Variants in PPME1 observed in about 807,000 individuals in gnomAD.
PPME1 encodes the protein testicular secretory protein Li 39.
A neutral mutation model predicts 56.9 loss-of-function variants in PPME1; 17 were observed. The observed-to-expected ratio is 0.30, with a 90% confidence interval of 0.20 to 0.45. The LOEUF (loss-of-function observed/expected upper bound fraction) is 0.45, where lower values mean the gene tolerates loss of function less well. Ranked by LOEUF, PPME1 falls within the 20% of genes least tolerant of loss-of-function variation. The probability of loss-of-function intolerance (pLI) is 1.00; values close to 1 mark genes in which losing one functional copy is unlikely to be tolerated. For synonymous variants in PPME1, 122 were observed against 156.2 expected (o/e 0.78, Z 1.63); for missense variants, 357 against 483.2 (o/e 0.74, Z 2.45).
At chr11:74,196,331 T>C (rs1857980710) in intron 1 of PPME1, among the ~76,000 whole-genome samples, 1 of 152,206 alleles carries the variant, frequency 6.6e-6, no homozygotes, top group Non-Finnish European at 1.5e-5. Context: ...TTGCCTAACC[T>C]AAGATCACAG....
At chr11:74,174,187 G>A (rs1003338095) in intron 1 of PPME1, among the ~76,000 whole-genome samples, 15 of 152,118 alleles carry the variant, frequency 9.9e-5, no homozygotes, top group African/African-American at 3.6e-4. Context: ...TTCTATAAGG[G>A]AATGTATTAA....
chr11:74,198,647 CTTG>C (rs952645531), intron 1 of PPME1: 1 of 151,872 alleles, frequency 6.6e-6, no homozygotes, highest in African/African-American at 2.4e-5. Context: ...GAGACGAGGT[CTTG>C]TTGTGTTGCC....
At chr11:74,187,471 T>G (rs1857716369) in intron 1 of PPME1, among the ~76,000 whole-genome samples, 1 of 152,246 alleles carries the variant, frequency 6.6e-6, no homozygotes, top group Admixed American at 6.5e-5. Context: ...CTATATTTAT[T>G]CCTGCATATT....
intron 11 of PPME1, 23 bp from the exon 12 acceptor site, chr11:74,250,931 G>A (rs1439183974): frequency 3.2e-6 from 5 of 1,577,530 alleles, no homozygotes; most frequent in Non-Finnish European, 3.5e-6. Flanking sequence ...CGCTGAAGTT[G>A]CCTTGCTTTG....
At chr11:74,238,408 G>A (rs1454737706) in intron 8 of PPME1, 1 of 152,018 alleles carries the variant, frequency 6.6e-6, no homozygotes, top group Non-Finnish European at 1.5e-5. Flanking sequence ...TCTTTGTCAA[G>A]GGCAAAATAA....
intron 1 of PPME1, among the ~76,000 whole-genome samples, chr11:74,185,788 A>G (rs1857665225): frequency 6.6e-6 from 1 of 152,116 alleles, no homozygotes; most frequent in South Asian, 2.1e-4. Context: ...CTTTATTATC[A>G]AAGGTATAAG....
At chr11:74,175,243 C>T (rs1236991735) in intron 1 of PPME1, among the ~76,000 whole-genome samples, 2 of 152,176 alleles carry the variant, frequency 1.3e-5, no homozygotes, top group African/African-American at 2.4e-5. Context: ...TGGCTCATGC[C>T]TGTAATCTCA....
chr11:74,180,496 G>T (rs947641252), intron 1 of PPME1, among the ~76,000 whole-genome samples: 1 of 152,098 alleles, frequency 6.6e-6, no homozygotes, highest in Non-Finnish European at 1.5e-5. Context: ...TCCTAAAAGC[G>T]GTTATACTTC....
intron 13 of PPME1, 86 bp downstream of exon 13, chr11:74,251,801 C>T: frequency 1.3e-6 from 2 of 1,530,204 alleles, no homozygotes; most frequent in Non-Finnish European, 1.8e-6. Context: ...ATATCTCTGC[C>T]TTACCCCTGC....
chr11:74,171,326 C>T lies in PPME1; in HGVS notation c.-96C>T, dbSNP rs1245574070. On this transcript the variant is annotated 5_prime_UTR_variant, in exon 1 of 14. Coordinates refer to ENST00000328257, the MANE Select transcript of PPME1 (RefSeq NM_016147.3). Reference sequence around the variant, plus strand: ...TGGGTGCTGTCCAAAGGCGACAGGGCGTCGTTAGGGGAGCGAGTCGTGACC... The same window carrying T: ...TGGGTGCTGTCCAAAGGCGACAGGGTGTCGTTAGGGGAGCGAGTCGTGACC... The T allele has an allele frequency of 1.3e-6, 2 of 1,513,194 alleles. No homozygotes were observed. Among genetic ancestry groups the T allele is most frequent in the Non-Finnish European group, 1.8e-6 (2 of 1,128,988 alleles). 93.7% of individuals were successfully genotyped at this position (1,513,194 alleles called of 1,614,324 possible).
intron 1 of PPME1, among the ~76,000 whole-genome samples, chr11:74,187,325 A>G (rs1225711936): frequency 6.6e-6 from 1 of 152,200 alleles, no homozygotes; most frequent in Non-Finnish European, 1.5e-5. Context: ...CTATAGATCA[A>G]TTTGAGAAGT....
At chr11:74,225,914 C>G (rs1239413991) in intron 5 of PPME1, among the ~76,000 whole-genome samples, 1 of 152,142 alleles carries the variant, frequency 6.6e-6, no homozygotes, top group Non-Finnish European at 1.5e-5. Context: ...GTTTGGGAAT[C>G]ACTGACCTAT....
chr11:74,212,802 C>T (rs1473315547), intron 3 of PPME1, among the ~76,000 whole-genome samples: 1 of 152,128 alleles, frequency 6.6e-6, no homozygotes, highest in Non-Finnish European at 1.5e-5. Context: ...GATTCATCCC[C>T]TGCTGACTAA....
chr11:74,206,128 C>T (rs1392893229), intron 3 of PPME1, among the ~76,000 whole-genome samples: 1 of 152,140 alleles, frequency 6.6e-6, no homozygotes, highest in South Asian at 2.1e-4. Context: ...TCATTTACTT[C>T]GCAAATAGAT....
chr11:74,187,181 G>A (rs1310278246), intron 1 of PPME1, among the ~76,000 whole-genome samples: 1 of 152,126 alleles, frequency 6.6e-6, no homozygotes, highest in East Asian at 1.9e-4. Context: ...AAATCAGGAA[G>A]TATAATGTTT....
chr11:74,185,325 C>G (rs1246289436), intron 1 of PPME1, among the ~76,000 whole-genome samples: 1 of 152,110 alleles, frequency 6.6e-6, no homozygotes, highest in African/African-American at 2.4e-5. Flanking sequence ...TCTAGATCAT[C>G]ATGACATTCA....
chr11:74,211,143 A>G (rs531483913), intron 3 of PPME1, among the ~76,000 whole-genome samples: 1 of 152,340 alleles, frequency 6.6e-6, no homozygotes, highest in Admixed American at 6.5e-5. Context: ...TTTTAAATGT[A>G]AGACATTTAT....
intron 1 of PPME1, among the ~76,000 whole-genome samples, chr11:74,183,800 G>A (rs1323903572): frequency 1.3e-5 from 2 of 151,932 alleles, no homozygotes; most frequent in Non-Finnish European, 2.9e-5. Context: ...TTTCTTAATT[G>A]TAAACTCCTT....
chr11:74,236,012 G>GGTGA, intron 8 of PPME1, 46 bp downstream of exon 8: 1 of 1,595,416 alleles, frequency 6.3e-7, no homozygotes, highest in Non-Finnish European at 8.5e-7. Context: ...GCGGAAACAT[G>GGTGA]GTGAGGGAAT....
Sources: allele counts gnomAD v4.1 joint callset (sites outside exome capture counted in the v4.1 genomes callset), GRCh38; gene constraint gnomAD v4.1.1; transcripts MANE v1.5; gene names NCBI Gene and HGNC (gene_info 2026-07-23, HGNC 2026-07-21).